Variants in MAL observed in about 807,000 individuals in gnomAD.
The protein encoded by MAL is mal, T cell differentiation protein (MAL blood group).
In MAL, 5 loss-of-function variants were observed where a neutral mutation model predicts 16.7. The observed-to-expected ratio is 0.30, with a 90% confidence interval of 0.16 to 0.63. The LOEUF (loss-of-function observed/expected upper bound fraction) is 0.63. Among genes scored for constraint, MAL ranks in the 30% least tolerant of loss-of-function variants. The pLI is 0.82. For missense variants in MAL, 202 were observed against 195.8 expected, an observed-to-expected ratio of 1.03 and a Z score of -0.19; for synonymous variants, 96 against 85.5, an observed-to-expected ratio of 1.12 and a Z score of -0.67.
chr2:95,046,924 AAG>A (rs991109216), intron 1 of MAL, among the ~76,000 whole-genome samples: 2 of 150,966 alleles, frequency 1.3e-5, no homozygotes, highest in Non-Finnish European at 3.0e-5. Context: ...GAGAGAAAGA[AAG>A]AGAGAAAGAG....
chr2:95,042,026 C>T (rs1674479389), intron 1 of MAL, among the ~76,000 whole-genome samples: 1 of 152,166 alleles, frequency 6.6e-6, no homozygotes, highest in Non-Finnish European at 1.5e-5. Flanking sequence ...CCTCTCAGTC[C>T]CCATCCTGAG....
intron 1 of MAL, among the ~76,000 whole-genome samples, chr2:95,040,398 T>TAC (rs146321369): frequency 2.3e-4 from 35 of 150,938 alleles, no homozygotes; most frequent in Admixed American, 4.6e-4. Flanking sequence ...AGCATACATG[T>TAC]ACACACACAC....
intron 1 of MAL, among the ~76,000 whole-genome samples, chr2:95,046,009 T>C (rs1674578462): frequency 6.6e-6 from 1 of 152,242 alleles, no homozygotes; most frequent in South Asian, 2.1e-4. Flanking sequence ...CAGAGGACGC[T>C]TTCTGGTCAG....
At chr2:95,046,686 T>C (rs1352946252) in intron 1 of MAL, among the ~76,000 whole-genome samples, 1 of 151,900 alleles carries the variant, frequency 6.6e-6, no homozygotes, top group African/African-American at 2.4e-5. Flanking sequence ...GACTGTACTT[T>C]CCTCATGCCC....
intron 3 of MAL, among the ~76,000 whole-genome samples, chr2:95,051,050 G>A (rs571900556): frequency 6.6e-6 from 1 of 152,220 alleles, no homozygotes; most frequent in Non-Finnish European, 1.5e-5. Flanking sequence ...AACAAAGGTT[G>A]CGAAATGTAG....
At chr2:95,049,138 C>A (rs1674655804) in intron 2 of MAL, among the ~76,000 whole-genome samples, 1 of 152,018 alleles carries the variant, frequency 6.6e-6, no homozygotes, top group South Asian at 2.1e-4. Context: ...TTTAAATATA[C>A]CAGGGGCCAA....
chr2:95,047,924 C>G (rs766683445), intron 1 of MAL, 35 bp from the exon 2 acceptor site: 2 of 1,602,736 alleles, frequency 1.2e-6, no homozygotes, highest in Admixed American at 3.4e-5. Flanking sequence ...GGGCTCTCCT[C>G]TAGGCCAAAA....
intron 3 of MAL, among the ~76,000 whole-genome samples, chr2:95,052,422 T>G (rs1674739281): frequency 6.6e-6 from 1 of 152,166 alleles, no homozygotes; most frequent in Admixed American, 6.5e-5. Context: ...TACGTTCTCT[T>G]AAATGTGTTA....
At chr2:95,039,307 GGTGAGTGAGTGAGTGAGTGACTGA>G (rs1674374435) in intron 1 of MAL, among the ~76,000 whole-genome samples, 1 of 66,572 alleles carries the variant, frequency 1.5e-5, no homozygotes, top group Non-Finnish European at 3.1e-5. Context: ...TGACTGAGTG[GGTGAGTGAGTGAGTGAGTGACTGA>G]GTGAGTGAGT....
chr2:95,030,139 C>A (rs1674043088), intron 1 of MAL, among the ~76,000 whole-genome samples: 1 of 152,186 alleles, frequency 6.6e-6, no homozygotes, highest in African/African-American at 2.4e-5. Context: ...GGCATAGCAA[C>A]CTCTCCTTGG....
At chr2:95,039,749 G>A (rs1454148348) in intron 1 of MAL, among the ~76,000 whole-genome samples, 1 of 151,896 alleles carries the variant, frequency 6.6e-6, no homozygotes, top group East Asian at 1.9e-4. Context: ...GTGGGTGAGT[G>A]AGCGAGTGAG....
At chr2:95,051,720 C>T (rs796782076) in intron 3 of MAL, 36 of 152,282 alleles carry the variant, frequency 2.4e-4, no homozygotes, top group African/African-American at 7.7e-4. Context: ...AATATGTTCA[C>T]GCAGACAGGA....
At chr2:95,031,515 T>C (rs1422450621) in intron 1 of MAL, among the ~76,000 whole-genome samples, 1 of 152,222 alleles carries the variant, frequency 6.6e-6, no homozygotes, top group Non-Finnish European at 1.5e-5. Context: ...GGCCACCCTC[T>C]TGATATTTTT....
intron 1 of MAL, among the ~76,000 whole-genome samples, chr2:95,033,175 C>T (rs1277025783): frequency 6.6e-6 from 1 of 152,138 alleles, no homozygotes; most frequent in Non-Finnish European, 1.5e-5. Flanking sequence ...GGGAGGTGGG[C>T]ACTCCAGGAA....
intron 1 of MAL, among the ~76,000 whole-genome samples, chr2:95,043,965 G>T (rs1219322173): frequency 1.3e-5 from 2 of 152,196 alleles, no homozygotes; most frequent in African/African-American, 4.8e-5. Context: ...GTGTAAGAGC[G>T]TCCCTAGGAA....
At position 95,049,828 on chromosome 2, in the gene MAL, C is replaced by A. The variant is rs1463025705; in HGVS notation, c.387+122C>A. The A allele has an allele frequency of 5.7e-6, 8 of 1,397,508 alleles. No homozygotes were observed. In the Admixed American group the frequency reaches 8.6e-5, roughly 15 times the overall value. 86.6% of individuals were successfully genotyped at this position (1,397,508 alleles called of 1,614,324 possible). ...TCACTAACTTTTGAGTGAGGTCAAA[C>A]CTTGCCTTCATGCCTGGAGCAGGAA... On this transcript the variant is annotated intron_variant, in intron 3 of 3. Coordinates refer to ENST00000309988, the MANE Select transcript of MAL (RefSeq NM_002371.4).
chr2:95,032,745 C>T (rs1199410375), intron 1 of MAL, among the ~76,000 whole-genome samples: 2 of 152,124 alleles, frequency 1.3e-5, no homozygotes, highest in Admixed American at 1.3e-4. Context: ...AGGTTTGATA[C>T]CCAGTGAGCT....
intron 1 of MAL, among the ~76,000 whole-genome samples, chr2:95,034,834 C>T (rs892697420): frequency 1.8e-4 from 28 of 152,188 alleles, no homozygotes; most frequent in Non-Finnish European, 2.8e-4. Context: ...TCCCCTCCAC[C>T]GGGAAGCCCA....
intron 1 of MAL, among the ~76,000 whole-genome samples, chr2:95,031,065 A>G (rs1390173889): frequency 6.6e-6 from 1 of 152,100 alleles, no homozygotes; most frequent in Non-Finnish European, 1.5e-5. Flanking sequence ...CTCCTAGGAG[A>G]CCAGAGACGT....
Sources: gnomAD v4.1 joint callset for allele counts (sites outside exome capture counted in the v4.1 genomes callset) on GRCh38, gnomAD v4.1.1 for gene constraint, MANE v1.5 for transcripts, NCBI Gene and HGNC (gene_info 2026-07-23, HGNC 2026-07-21) for gene names.